The following TTC27 variants were observed in gnomAD, a reference collection of about 807,000 sequenced individuals.
TTC27 encodes the protein tetratricopeptide repeat domain 27, also known as tetratricopeptide repeat protein 27.
TTC27 carries 79 observed loss-of-function variants against 115.9 expected under a neutral mutation model. The observed-to-expected ratio is 0.68, with a 90% CI of 0.57 to 0.82. The LOEUF is 0.82. TTC27 is among the 40% of genes least tolerant of loss of function. The pLI is 0.00. For synonymous variants in TTC27, 401 were observed against 356.0 expected, an observed-to-expected ratio of 1.13 and a Z score of -1.42; for missense variants, 1,054 against 993.1, an observed-to-expected ratio of 1.06 and a Z score of -0.82.
chr2:32,734,815 A>G (rs1668400458), intron 11 of TTC27, among the ~76,000 whole-genome samples: 1 of 152,334 alleles, frequency 6.6e-6, no homozygotes, highest in Non-Finnish European at 1.5e-5. Flanking sequence ...TTGAAATTAT[A>G]CCAGCTAATA....
chr2:32,776,885 C>G (rs780162601), intron 13 of TTC27, among the ~76,000 whole-genome samples: 1 of 152,226 alleles, frequency 6.6e-6, no homozygotes, highest in Admixed American at 6.5e-5. Flanking sequence ...GCCGGGATTA[C>G]AGGTGTGAGC....
Position 32,697,467 on chromosome 2 carries a change from T to C in TTC27, c.1120-5340T>C, listed in dbSNP as rs1667026357. ...CTTAAGTACTTCTTTCTTACACTTT[T>C]ACTGAACAGTAAAGAAATGTGTTTA... On this transcript the variant is annotated intron_variant, in intron 9 of 19. Transcript: ENST00000317907. 2.0e-5 allele frequency among the ~76,000 whole-genome samples: 3 copies of C among 152,228 alleles called. No homozygotes were observed. In the South Asian group the frequency reaches 6.2e-4, roughly 31 times the overall value.
chr2:32,772,643 G>T (rs1669867513), intron 13 of TTC27, among the ~76,000 whole-genome samples: 1 of 152,142 alleles, frequency 6.6e-6, no homozygotes, highest in Admixed American at 6.5e-5. Flanking sequence ...CATGTTTAAG[G>T]TATGCTAGGT....
chr2:32,733,746 A>C (rs1485550772), intron 10 of TTC27, 82 bp from the exon 11 acceptor site: 1 of 793,522 alleles, frequency 1.3e-6, no homozygotes, highest in Non-Finnish European at 1.9e-6. Flanking sequence ...TTATATGTGC[A>C]TTTGTATAAC....
At chr2:32,757,544 A>G (rs1669275293) in intron 12 of TTC27, among the ~76,000 whole-genome samples, 1 of 152,194 alleles carries the variant, frequency 6.6e-6, no homozygotes, top group Non-Finnish European at 1.5e-5. Flanking sequence ...CCCTGTGTCA[A>G]ACAAGTCCGT....
chr2:32,741,857 A>G (rs1668660121), intron 12 of TTC27, among the ~76,000 whole-genome samples: 1 of 152,000 alleles, frequency 6.6e-6, no homozygotes, highest in Admixed American at 6.6e-5. Context: ...TACCCCTCCA[A>G]CCACTGCCTT....
chr2:32,777,599 A>G (rs1489568602), intron 13 of TTC27, among the ~76,000 whole-genome samples: 3 of 152,158 alleles, frequency 2.0e-5, no homozygotes, highest in Non-Finnish European at 4.4e-5. Context: ...CCCACAGCCA[A>G]CATGCCCAGT....
intron 3 of TTC27, 128 bp downstream of exon 3, chr2:32,634,133 A>G: frequency 9.1e-7 from 1 of 1,100,404 alleles, no homozygotes; most frequent in South Asian, 1.9e-5. Flanking sequence ...AAGTACTAAG[A>G]ATGCTTGTTC....
chr2:32,744,027 A>G (rs1207622085), intron 12 of TTC27, among the ~76,000 whole-genome samples: 1 of 152,244 alleles, frequency 6.6e-6, no homozygotes, highest in Non-Finnish European at 1.5e-5. Context: ...TTGCTGGGTA[A>G]GAATATTCCA....
chr2:32,704,917 A>C (rs1203224377), intron 10 of TTC27: 1 of 471,002 alleles, frequency 2.1e-6, no homozygotes, highest in African/African-American at 2.0e-5. Context: ...TCATTCAGTA[A>C]GCTTGTGTTT....
chr2:32,816,200 C>T (rs1164908663), intron 18 of TTC27, among the ~76,000 whole-genome samples: 4 of 151,870 alleles, frequency 2.6e-5, no homozygotes, highest in African/African-American at 9.7e-5. Flanking sequence ...ACCTGTGGTC[C>T]CAGCTACTTG....
chr2:32,734,616 A>C (rs572271932), intron 11 of TTC27, among the ~76,000 whole-genome samples: 1 of 152,242 alleles, frequency 6.6e-6, no homozygotes, highest in African/African-American at 2.4e-5. Flanking sequence ...TTATAGGTGT[A>C]GTTCCCTATT....
At chr2:32,805,811 G>A (rs974423602) in intron 16 of TTC27, among the ~76,000 whole-genome samples, 1 of 152,046 alleles carries the variant, frequency 6.6e-6, no homozygotes. Flanking sequence ...CTGTATATTG[G>A]CCCCTTTGAT....
intron 4 of TTC27, 77 bp downstream of exon 4, chr2:32,640,487 T>A: frequency 1.4e-6 from 2 of 1,415,266 alleles, no homozygotes; most frequent in Non-Finnish European, 1.9e-6. Context: ...GATGTGTTGC[T>A]GACAATGTCT....
chr2:32,754,332 G>C (rs1337020859), intron 12 of TTC27, among the ~76,000 whole-genome samples: 1 of 149,126 alleles, frequency 6.7e-6, no homozygotes, highest in East Asian at 2.0e-4. Flanking sequence ...TGAGATTAGG[G>C]AGTGGCGATG....
At chr2:32,722,686 G>A (rs1020121244) in intron 10 of TTC27, among the ~76,000 whole-genome samples, 3 of 152,180 alleles carry the variant, frequency 2.0e-5, no homozygotes, top group African/African-American at 7.2e-5. Flanking sequence ...GTAGAAGACT[G>A]GCATCATCTG....
chr2:32,775,698 G>A (rs1009945454), intron 13 of TTC27, among the ~76,000 whole-genome samples: 38 of 151,938 alleles, frequency 2.5e-4, no homozygotes, highest in African/African-American at 8.7e-4. Context: ...GTTGTAAGAA[G>A]TACCTTTAAG....
At chr2:32,789,849 A>G (rs971024458) in intron 16 of TTC27, among the ~76,000 whole-genome samples, 1 of 133,964 alleles carries the variant, frequency 7.5e-6, no homozygotes, top group South Asian at 2.6e-4. Context: ...GAGGCTGGAG[A>G]GGTTGAAGCT....
At chr2:32,664,604 TACAAATTTATAGTTTATA>T in intron 6 of TTC27, 137 bp downstream of exon 6, 1 of 719,580 alleles carries the variant, frequency 1.4e-6, no homozygotes, top group Non-Finnish European at 2.2e-6. Context: ...AGGTTTTATT[TACAAATTTATAGTTTATA>T]ACAAATTTGA....
Sources: gnomAD v4.1 joint callset for allele counts (sites outside exome capture counted in the v4.1 genomes callset) on GRCh38, gnomAD v4.1.1 for gene constraint, MANE v1.5 for transcripts, NCBI Gene and HGNC (gene_info 2026-07-23, HGNC 2026-07-21) for gene names.